The following ZNF512 variants were observed in gnomAD, a reference collection of about 807,000 sequenced individuals.
ZNF512 encodes the protein zinc finger protein 512.
ZNF512 carries 25 observed loss-of-function variants against 77.5 expected under a neutral mutation model. That is an observed-to-expected ratio of 0.32 (90% confidence interval 0.23 to 0.45). The LOEUF (loss-of-function observed/expected upper bound fraction) is 0.45, where lower values mean the gene tolerates loss of function less well. Among genes scored for constraint, ZNF512 ranks in the 20% least tolerant of loss-of-function variants. The pLI, the probability that ZNF512 is intolerant of heterozygous loss-of-function variation, is 1.00. For missense variants in ZNF512, 483 were observed against 692.6 expected, an observed-to-expected ratio of 0.70 and a Z score of 3.40; for synonymous variants, 246 against 239.9, an observed-to-expected ratio of 1.03 and a Z score of -0.24.
At chr2:27,600,285 G>A (rs528193097) in intron 5 of ZNF512, among the ~76,000 whole-genome samples, 1 of 152,222 alleles carries the variant, frequency 6.6e-6, no homozygotes, top group Admixed American at 6.5e-5. Context: ...CTATGAATAG[G>A]GGTAATAAAG....
chr2:27,610,544 G>GTGTGTATATATATATATATATATA lies in ZNF512; in HGVS notation c.1131+2506_1131+2507insGTGTATATATATATATATATATAT, dbSNP rs1413007886. On this transcript the variant is annotated intron_variant, in intron 10 of 13. Transcript: ENST00000355467. ...TATGTGTGTGTATATATATGTGTGTGTATATATATATATATATATATATAT... is the reference window on the plus strand; with the variant it reads ...TATGTGTGTGTATATATATGTGTGTGTGTGTATATATATATATATATATATATATATATATATATATATATATAT... 3.1e-4 allele frequency among the ~76,000 whole-genome samples: 10 copies of GTGTGTATATATATATATATATATA among 32,656 alleles called. 2 individuals carry two copies. Among genetic ancestry groups the GTGTGTATATATATATATATATATA allele is most frequent in the East Asian group, 1.6e-3 (1 of 628 alleles). 21.4% of individuals were successfully genotyped at this position (32,656 alleles called of 152,430 possible).
In ZNF512 at chr2:27,583,427, G is replaced by T. The variant is rs1007544787; in HGVS notation, c.31-231G>T. On this transcript the variant is annotated intron_variant, in intron 1 of 13. Coordinates refer to ENST00000355467, the MANE Select transcript of ZNF512 (RefSeq NM_032434.4). ...CTTTTCTTTTGGCCTCCCTTTTAGA[G>T]CCTGGGACAGGGCTTTGAGAATGGG... The T allele has an allele frequency of 5.2e-5, 75 of 1,443,936 alleles. No homozygotes were observed. The South Asian group carries it at 1.1e-3, about 21-fold the overall frequency. 89.4% of individuals were successfully genotyped at this position (1,443,936 alleles called of 1,614,324 possible).
At chr2:27,591,237 G>A (rs115049242) in intron 2 of ZNF512, among the ~76,000 whole-genome samples, 2,550 of 151,670 alleles carry the variant, frequency 0.017, 67 homozygotes, top group African/African-American at 0.059. Context: ...TATTTTTGTG[G>A]GTACATAGTA....
intron 5 of ZNF512, 139 bp from the exon 6 acceptor site, chr2:27,600,552 C>G (rs945344546): frequency 3.2e-6 from 3 of 931,398 alleles, no homozygotes; most frequent in Non-Finnish European, 4.7e-6. Context: ...AGAAGTTATA[C>G]CCAGCAAGAG....
chr2:27,608,534 T>C (rs1347081509), intron 10 of ZNF512, among the ~76,000 whole-genome samples: 2 of 152,060 alleles, frequency 1.3e-5, no homozygotes, highest in Non-Finnish European at 2.9e-5. Context: ...CTTGATACTT[T>C]TATTGTTCCC....
chr2:27,610,577 T>A (rs1450308872), intron 10 of ZNF512, among the ~76,000 whole-genome samples: 3,017 of 53,874 alleles, frequency 0.056, 250 homozygotes, highest in African/African-American at 0.13. Context: ...TATTTTTTTT[T>A]TTTTTTTTTT....
chr2:27,594,727 G>T (rs1047797098), intron 2 of ZNF512, among the ~76,000 whole-genome samples: 2 of 151,892 alleles, frequency 1.3e-5, no homozygotes, highest in African/African-American at 4.8e-5. Context: ...CCTAGATGGG[G>T]TGGCGGCCGG....
At chr2:27,595,538 G>T (rs1315747802) in intron 2 of ZNF512, among the ~76,000 whole-genome samples, 1 of 152,064 alleles carries the variant, frequency 6.6e-6, no homozygotes, top group Non-Finnish European at 1.5e-5. Context: ...TGCTGATCAG[G>T]CTGGTCTCGA....
At chr2:27,618,502 A>G (rs560041229) in intron 13 of ZNF512, among the ~76,000 whole-genome samples, 1 of 152,344 alleles carries the variant, frequency 6.6e-6, no homozygotes, top group African/African-American at 2.4e-5. Flanking sequence ...GTCATGCAGG[A>G]GAATGCCCTT....
At chr2:27,603,083 T>A in intron 8 of ZNF512, 57 bp from the exon 9 acceptor site, 1 of 1,588,900 alleles carries the variant, frequency 6.3e-7, no homozygotes, top group Non-Finnish European at 8.6e-7. Context: ...GTTTAGAAAT[T>A]TAGGGATCAT....
At chr2:27,611,665 A>G (rs566823934) in intron 10 of ZNF512, among the ~76,000 whole-genome samples, 27 of 151,220 alleles carry the variant, frequency 1.8e-4, no homozygotes, top group Non-Finnish European at 3.1e-4. Flanking sequence ...GCCTTCTTAG[A>G]TTAGCATCCA....
chr2:27,583,447 A>G (rs1671200524), intron 1 of ZNF512: 2 of 1,447,222 alleles, frequency 1.4e-6, no homozygotes, highest in Admixed American at 2.8e-5. Context: ...GGGCTTTGAG[A>G]ATGGGGGAAG....
intron 13 of ZNF512, among the ~76,000 whole-genome samples, chr2:27,618,812 A>G (rs1031643882): frequency 1.3e-5 from 2 of 152,226 alleles, no homozygotes; most frequent in Admixed American, 1.3e-4. Flanking sequence ...CGTTTATGAT[A>G]TAATTAAATA....
At chr2:27,598,322 A>G in intron 3 of ZNF512, 68 bp downstream of exon 3, 1 of 1,495,186 alleles carries the variant, frequency 6.7e-7, no homozygotes, top group Non-Finnish European at 9.2e-7. Context: ...GATTGTTATA[A>G]ATACCTCTTA....
At chr2:27,584,011 G>A (rs1194432985) in intron 2 of ZNF512, among the ~76,000 whole-genome samples, 1 of 152,192 alleles carries the variant, frequency 6.6e-6, no homozygotes, top group African/African-American at 2.4e-5. Flanking sequence ...TAGTATCATA[G>A]CTACTAGCCC....
intron 2 of ZNF512, among the ~76,000 whole-genome samples, chr2:27,585,295 A>G (rs930248215): frequency 3.3e-5 from 5 of 152,250 alleles, no homozygotes; most frequent in African/African-American, 7.2e-5. Flanking sequence ...ATTATCAGCT[A>G]TAAAAAATAA....
At chr2:27,589,814 T>C (rs1441445992) in intron 2 of ZNF512, among the ~76,000 whole-genome samples, 1 of 152,222 alleles carries the variant, frequency 6.6e-6, no homozygotes, top group Non-Finnish European at 1.5e-5. Flanking sequence ...CTATGAATTA[T>C]TTAGAAGTAG....
At chr2:27,612,648 C>T (rs1672715086) in intron 10 of ZNF512, among the ~76,000 whole-genome samples, 1 of 152,134 alleles carries the variant, frequency 6.6e-6, no homozygotes, top group African/African-American at 2.4e-5. Context: ...TGATTATCCA[C>T]AGTATATTTA....
chr2:27,583,229 G>A, intron 1 of ZNF512, 87 bp downstream of exon 1: 2 of 1,598,940 alleles, frequency 1.3e-6, no homozygotes, highest in Non-Finnish European at 1.7e-6. Context: ...CCCATGCTGA[G>A]TTGGTTTTAT....
Sources: allele counts gnomAD v4.1 joint callset (sites outside exome capture counted in the v4.1 genomes callset), GRCh38; gene constraint gnomAD v4.1.1; transcripts MANE v1.5; gene names NCBI Gene and HGNC (gene_info 2026-07-23, HGNC 2026-07-21).